Variants in COL6A5 observed in about 807,000 individuals in gnomAD.
The protein encoded by COL6A5 is collagen type VI alpha 5 chain.
In COL6A5, 48 loss-of-function variants were observed where a neutral mutation model predicts 65.6. The observed-to-expected ratio is 0.73, with a 90% CI of 0.58 to 0.93. The LOEUF is 0.93. Ranked by LOEUF, COL6A5 falls within the 40% of genes least tolerant of loss-of-function variation. The probability of loss-of-function intolerance (pLI) is 0.00; values close to 1 mark genes in which losing one functional copy is unlikely to be tolerated. For missense variants in COL6A5, 914 were observed against 928.3 expected (o/e 0.98, Z 0.20); for synonymous variants, 291 against 322.8 (o/e 0.90, Z 1.05).
intron 4 of COL6A5, among the ~76,000 whole-genome samples, chr3:130,453,578 A>G (rs1216321021): frequency 4.6e-5 from 7 of 152,184 alleles, no homozygotes; most frequent in Admixed American, 3.9e-4. Context: ...GCACATATAA[A>G]TAGTGTTCCT....
In COL6A5 at chr3:130,440,494, A is replaced by G. The variant is rs61734852; in HGVS notation, c.912A>G (p.Leu304=). The change falls in exon 3 of 8, where the codon CTA becomes CTG. Residue 304 remains leucine, a synonymous_variant. Transcript: ENST00000512836. Reference sequence around the variant, plus strand: ...ACATCCAGACTTCCTTCCAACAGCTAAATGGAGAAGCAACAATTGGTCGTG... The same window carrying G: ...ACATCCAGACTTCCTTCCAACAGCTGAATGGAGAAGCAACAATTGGTCGTG... The G allele has an allele frequency of 8.9e-4, 1,439 of 1,613,752 alleles. 16 individuals are homozygous for G. The African/African-American group carries it at 0.015, about 17-fold the overall frequency.
chr3:130,397,526 T>A (rs1680813835), intron 8 of COL6A5, 57 bp from the exon 9 acceptor site: 1 of 1,369,610 alleles, frequency 7.3e-7, no homozygotes, highest in Admixed American at 2.4e-5. Context: ...TTCTGCCGTC[T>A]CTCCTTCCTT....
rs1469210201 is a variant in COL6A5 at position 130,405,574 on chromosome 3, G to A, written c.4282-14G>A. ...AACATCACTTTGGGTACCTGTCTGT[G>A]CTCCTTTTCTTAGGGAGTACGAGGA... On this transcript the variant is annotated splice_polypyrimidine_tract_variant and intron_variant and NMD_transcript_variant, in intron 13 of 41. Transcript: ENST00000312481. 1.9e-6 allele frequency: 3 copies of A among 1,548,232 alleles called. No individual in the cohort carries two copies. The highest frequency in any genetic ancestry group is 2.6e-6 in the Non-Finnish European group (3 of 1,144,158).
exon 3 of COL6A5, chr3:130,376,352 C>A: frequency 6.2e-7 from 1 of 1,613,788 alleles, no homozygotes; most frequent in South Asian, 1.1e-5. Context: ...ACAGTCTCCC[C>A]ATAGAGGCCA....
chr3:130,438,208 G>A (rs1709083176), intron 1 of COL6A5, among the ~76,000 whole-genome samples: 1 of 152,246 alleles, frequency 6.6e-6, no homozygotes, highest in African/African-American at 2.4e-5. Flanking sequence ...TGTTGGTCAG[G>A]CTAGTCTTGA....
At chr3:130,353,329 G>A (rs1165466540) in intron 1 of COL6A5, among the ~76,000 whole-genome samples, 1 of 152,140 alleles carries the variant, frequency 6.6e-6, no homozygotes, top group African/African-American at 2.4e-5. Flanking sequence ...ACCAGTACGG[G>A]TCTGATGCGA....
rs1488419329 is a variant in COL6A5, at chr3:130,397,800, C to A, written c.3786C>A (p.Ile1262=). The A allele has an allele frequency of 1.9e-6, 3 of 1,551,658 alleles. No homozygotes were observed. In the East Asian group the frequency reaches 7.3e-5, roughly 38 times the overall value. Residue 1262 remains isoleucine (I), a synonymous_variant and NMD_transcript_variant, in exon 9 of 42, where the codon ATC becomes ATA. Coordinates refer to the COL6A5 transcript ENST00000312481. ...AAGGATTCCCTGCCAAGTTCCAAAT[C>A]TATCAGAAAGCAGTGTTTGACAGCT...
At chr3:130,483,767 C>G (rs953147885) in intron 7 of COL6A5, among the ~76,000 whole-genome samples, 1 of 152,148 alleles carries the variant, frequency 6.6e-6, no homozygotes, top group Non-Finnish European at 1.5e-5. Context: ...TTTAATAATA[C>G]CAGCCACTAA....
chr3:130,388,157 T>C (rs1936263820), intron 5 of COL6A5, among the ~76,000 whole-genome samples: 1 of 152,086 alleles, frequency 6.6e-6, no homozygotes, highest in South Asian at 2.1e-4. Context: ...TTATTTGAAA[T>C]TGTGTTTCTC....
At chr3:130,418,812 T>C in intron 24 of COL6A5, 57 bp from the exon 25 acceptor site, 1 of 1,382,056 alleles carries the variant, frequency 7.2e-7, no homozygotes, top group South Asian at 1.2e-5. Flanking sequence ...GAACTTACCG[T>C]GGTAGGAACC....
At chr3:130,358,639 T>C (rs1273741938) in intron 1 of COL6A5, among the ~76,000 whole-genome samples, 1 of 152,184 alleles carries the variant, frequency 6.6e-6, no homozygotes, top group Non-Finnish European at 1.5e-5. Flanking sequence ...CATGTGGTAA[T>C]GTGGAATTTT....
intron 7 of COL6A5, among the ~76,000 whole-genome samples, chr3:130,479,097 A>G (rs955680713): frequency 6.6e-6 from 1 of 152,000 alleles, no homozygotes; most frequent in Non-Finnish European, 1.5e-5. Context: ...CCCCAAGATC[A>G]TGGTATTAGG....
At chr3:130,378,639 G>A (rs1440085791) in intron 3 of COL6A5, among the ~76,000 whole-genome samples, 1 of 152,052 alleles carries the variant, frequency 6.6e-6, no homozygotes, top group African/African-American at 2.4e-5. Context: ...CCTCACTCAT[G>A]GGCTCCAACT....
intron 28 of COL6A5, 39 bp downstream of exon 28, chr3:130,422,821 T>A: frequency 8.1e-7 from 1 of 1,232,190 alleles, no homozygotes; most frequent in Non-Finnish European, 1.1e-6. Flanking sequence ...AAATATTCCT[T>A]TGGCAGACTT....
intron 4 of COL6A5, among the ~76,000 whole-genome samples, chr3:130,449,440 G>A (rs1709378100): frequency 6.6e-6 from 1 of 152,162 alleles, no homozygotes; most frequent in African/African-American, 2.4e-5. Context: ...GAATTGGCAT[G>A]ATATAGGGCT....
intron 11 of COL6A5, 122 bp from the exon 12 acceptor site, chr3:130,401,640 C>T: frequency 1.4e-6 from 1 of 722,544 alleles, no homozygotes; most frequent in Non-Finnish European, 2.4e-6. Flanking sequence ...TCTCTGCAGC[C>T]CCTCATCCAA....
intron 3 of COL6A5, among the ~76,000 whole-genome samples, chr3:130,379,140 G>C (rs111645106): frequency 1.3e-5 from 2 of 152,054 alleles, no homozygotes; most frequent in African/African-American, 4.8e-5. Flanking sequence ...TGGTGATGGC[G>C]GTCATGGAGA....
chr3:130,431,712 A>G, exon 1 of COL6A5: 5 of 1,551,644 alleles, frequency 3.2e-6, no homozygotes, highest in Non-Finnish European at 3.5e-6. Flanking sequence ...TTTCCCAAAT[A>G]AAATATCAAG....
At chr3:130,347,897 A>C (rs1208466047) in intron 1 of COL6A5, among the ~76,000 whole-genome samples, 2 of 152,164 alleles carry the variant, frequency 1.3e-5, no homozygotes, top group East Asian at 3.9e-4. Flanking sequence ...CACTGGGCAA[A>C]GTTGGGATCT....
Sources: gnomAD v4.1 joint callset for allele counts (sites outside exome capture counted in the v4.1 genomes callset) on GRCh38, gnomAD v4.1.1 for gene constraint, MANE v1.5 for transcripts, NCBI Gene and HGNC (gene_info 2026-07-23, HGNC 2026-07-21) for gene names.